Variants in PPM1E observed in about 807,000 individuals in gnomAD.
PPM1E encodes the protein protein phosphatase, Mg2+/Mn2+ dependent 1E.
A neutral mutation model predicts 65.9 loss-of-function variants in PPM1E; 20 were observed. The observed-to-expected ratio is 0.30, with a 90% CI of 0.21 to 0.44. PPM1E has a LOEUF of 0.44. Ranked by LOEUF, PPM1E falls within the 20% of genes least tolerant of loss-of-function variation. The pLI is 1.00. For synonymous variants in PPM1E, 352 were observed against 374.9 expected (o/e 0.94, Z 0.70); for missense variants, 713 against 953.1 (o/e 0.75, Z 3.32).
Position 58,806,867 on chromosome 17 carries a change from G to GTTT in PPM1E, c.464+50415_464+50417dup, listed in dbSNP as rs5821248. On this transcript the variant is annotated intron_variant, in intron 1 of 6. Coordinates refer to ENST00000308249, the MANE Select transcript of PPM1E (RefSeq NM_014906.5). ...GGTGCGTGCCACCACGCCCTGCTGT[G>GTTT]TTTTTTTTTTTGTATTTTTAGTAGA... Among the ~76,000 whole-genome samples the GTTT allele has an allele frequency of 8.6e-4, 126 of 145,778 alleles. 1 individual carries two copies. Among genetic ancestry groups the GTTT allele is most frequent in the Middle Eastern group, 3.4e-3 (1 of 290 alleles).
intron 1 of PPM1E, among the ~76,000 whole-genome samples, chr17:58,798,932 G>A (rs953689096): frequency 2.0e-5 from 3 of 151,958 alleles, no homozygotes; most frequent in Admixed American, 6.6e-5. Flanking sequence ...CTGACCTCAA[G>A]TAATCTGCCC....
chr17:58,866,251 A>G (rs2051002517), intron 1 of PPM1E, among the ~76,000 whole-genome samples: 1 of 152,216 alleles, frequency 6.6e-6, no homozygotes, highest in African/African-American at 2.4e-5. Flanking sequence ...TATAGGACAT[A>G]TATTTAAATA....
At chr17:58,762,771 G>A (rs1322159402) in intron 1 of PPM1E, among the ~76,000 whole-genome samples, 1 of 151,306 alleles carries the variant, frequency 6.6e-6, no homozygotes, top group South Asian at 2.1e-4. Context: ...AGTGGCGGGC[G>A]CCTGTAGTCC....
intron 1 of PPM1E, among the ~76,000 whole-genome samples, chr17:58,788,197 C>T (rs1419970261): frequency 6.6e-6 from 1 of 151,896 alleles, no homozygotes; most frequent in Non-Finnish European, 1.5e-5. Flanking sequence ...ATTACAGGCG[C>T]TCGGCACCAC....
chr17:58,969,326 C>A, intron 3 of PPM1E: 1 of 660,114 alleles, frequency 1.5e-6, no homozygotes. Flanking sequence ...ATGACATGTT[C>A]CAGTGTTCTG....
intron 1 of PPM1E, among the ~76,000 whole-genome samples, chr17:58,795,828 A>G (rs2050200802): frequency 6.6e-6 from 1 of 152,212 alleles, no homozygotes; most frequent in African/African-American, 2.4e-5. Context: ...GGGTACATGT[A>G]TGTCTTTTTT....
chr17:58,946,060 T>A (rs1290834121), intron 1 of PPM1E, among the ~76,000 whole-genome samples: 1 of 152,158 alleles, frequency 6.6e-6, no homozygotes, highest in Non-Finnish European at 1.5e-5. Context: ...TTATTATGGG[T>A]TGATCTTTCT....
intron 1 of PPM1E, among the ~76,000 whole-genome samples, chr17:58,928,818 T>G (rs1187645863): frequency 6.6e-6 from 1 of 151,620 alleles, no homozygotes; most frequent in Non-Finnish European, 1.5e-5. Context: ...TTCTCCTGCC[T>G]CAGCCTCCTG....
intron 1 of PPM1E, among the ~76,000 whole-genome samples, chr17:58,932,078 C>A (rs2051907353): frequency 6.6e-6 from 1 of 152,072 alleles, no homozygotes; most frequent in Non-Finnish European, 1.5e-5. Flanking sequence ...TAGTTTGAGA[C>A]CAGCCTGGGC....
chr17:58,979,455 C>T (rs1053136563), intron 6 of PPM1E, among the ~76,000 whole-genome samples: 35 of 152,204 alleles, frequency 2.3e-4, no homozygotes, highest in Admixed American at 1.9e-3. Context: ...CCTTCGTGCT[C>T]GCAGCATGAA....
intron 2 of PPM1E, among the ~76,000 whole-genome samples, chr17:58,961,609 A>G (rs986459047): frequency 5.3e-5 from 8 of 152,198 alleles, no homozygotes; most frequent in East Asian, 1.9e-4. Context: ...TGATTTACCA[A>G]TGTTAGAGGA....
At chr17:58,925,371 T>G (rs1032034189) in intron 1 of PPM1E, among the ~76,000 whole-genome samples, 1 of 152,146 alleles carries the variant, frequency 6.6e-6, no homozygotes, top group African/African-American at 2.4e-5. Context: ...GCCGCATAAA[T>G]GTCTTCCTTT....
At chr17:58,777,533 G>A (rs1456212235) in intron 1 of PPM1E, among the ~76,000 whole-genome samples, 1 of 151,970 alleles carries the variant, frequency 6.6e-6, no homozygotes, top group Non-Finnish European at 1.5e-5. Context: ...ACTTACCCAA[G>A]GTGTTTAAGT....
intron 1 of PPM1E, among the ~76,000 whole-genome samples, chr17:58,759,687 T>A (rs986177628): frequency 1.3e-5 from 2 of 152,250 alleles, no homozygotes; most frequent in South Asian, 4.1e-4. Flanking sequence ...TGGGTTGGAC[T>A]TCCCAAGGGG....
At chr17:58,769,822 T>C (rs1026140009) in intron 1 of PPM1E, among the ~76,000 whole-genome samples, 1 of 151,642 alleles carries the variant, frequency 6.6e-6, no homozygotes, top group Non-Finnish European at 1.5e-5. Flanking sequence ...AGGTCAGGAG[T>C]TCGAGACCAG....
chr17:58,783,361 TAGG>T (rs1380464599), intron 1 of PPM1E, among the ~76,000 whole-genome samples: 1 of 152,216 alleles, frequency 6.6e-6, no homozygotes, highest in Non-Finnish European at 1.5e-5. Context: ...AATAGCCTAA[TAGG>T]AGCATTTATG....
At chr17:58,801,798 C>T (rs1051239281) in intron 1 of PPM1E, among the ~76,000 whole-genome samples, 1 of 151,288 alleles carries the variant, frequency 6.6e-6, no homozygotes, top group African/African-American at 2.4e-5. Context: ...GCTCTGTTGC[C>T]CAGGCTGGAG....
rs1197328060 is a variant in PPM1E at position 58,791,476 on chromosome 17, A to G, written c.464+35015A>G. On this transcript the variant is annotated intron_variant, in intron 1 of 6. Transcript: ENST00000308249. ...CCCCAGCACGTGGCATATATGCTCA[A>G]TATCTTCTGAAGTAATAACGAAGAC... is the stretch of plus-strand genomic sequence containing the variant. 2.6e-5 allele frequency among the ~76,000 whole-genome samples: 4 copies of G among 152,190 alleles called. No individual in the cohort carries two copies. The East Asian group carries it at 5.8e-4, about 22-fold the overall frequency.
intron 1 of PPM1E, among the ~76,000 whole-genome samples, chr17:58,813,493 G>C (rs890542706): frequency 6.6e-6 from 1 of 152,180 alleles, no homozygotes; most frequent in Non-Finnish European, 1.5e-5. Flanking sequence ...AGATAAAGGA[G>C]GTTGTACTGT....
Sources: allele counts gnomAD v4.1 joint callset (sites outside exome capture counted in the v4.1 genomes callset), GRCh38; gene constraint gnomAD v4.1.1; transcripts MANE v1.5; gene names NCBI Gene and HGNC (gene_info 2026-07-23, HGNC 2026-07-21).